ROR2: variants seen among roughly 807,000 people sequenced by gnomAD.
ROR2 encodes the protein ROR family WNT receptor 2.
Under a neutral mutation model 74.9 loss-of-function variants are expected in ROR2, and 33 were observed. That is an observed-to-expected ratio of 0.44 (90% CI 0.33 to 0.59). The LOEUF (loss-of-function observed/expected upper bound fraction) is 0.59, where lower values mean the gene tolerates loss of function less well. Among genes scored for constraint, ROR2 ranks in the 20% least tolerant of loss-of-function variants. The pLI is 0.02. For synonymous variants in ROR2, 586 were observed against 558.7 expected, an observed-to-expected ratio of 1.05 and a Z score of -0.69; for missense variants, 1,216 against 1,313.8, an observed-to-expected ratio of 0.93 and a Z score of 1.15.
chr9:91,944,465 A>C (rs2118080165), intron 1 of ROR2, among the ~76,000 whole-genome samples: 1 of 152,364 alleles, frequency 6.6e-6, no homozygotes, highest in South Asian at 2.1e-4. Context: ...CTTTACATAC[A>C]GAATAAGAGC....
chr9:91,849,507 C>A (rs1829032839), intron 1 of ROR2, among the ~76,000 whole-genome samples: 1 of 152,242 alleles, frequency 6.6e-6, no homozygotes, highest in African/African-American at 2.4e-5. Flanking sequence ...CCACCCTAGG[C>A]CACATGGCCA....
chr9:91,757,346 G>A lies in ROR2; in HGVS notation c.389C>T (p.Thr130Ile), dbSNP rs759454438. 3 of 1,613,920 alleles carry A rather than the reference G, an allele frequency of 1.9e-6. No homozygotes were observed. The highest frequency in any genetic ancestry group is 1.7e-6 in the Non-Finnish European group (2 of 1,180,026). ...GGTGGCCACGCACTGGTAGTAGCCA[G>A]TGTCTGTCGTGTCCAGGTCCTGGAT... ...LRIQDLDTTD[T>I]GYYQCVATNG... Residue 130 changes from threonine to isoleucine, a missense_variant, in exon 3 of 9, where the codon ACT becomes ATT. Thr to Ile is a moderately conservative substitution (Grantham distance 89). Coordinates refer to ENST00000375708, the MANE Select transcript of ROR2 (RefSeq NM_004560.4).
chr9:91,754,968 T>C (rs929293924), intron 4 of ROR2, among the ~76,000 whole-genome samples: 5 of 152,118 alleles, frequency 3.3e-5, no homozygotes, highest in Admixed American at 6.5e-5. Flanking sequence ...CTGGACAGCA[T>C]AGTGAGACCC....
At chr9:91,925,827 A>G (rs949593257) in intron 1 of ROR2, among the ~76,000 whole-genome samples, 12 of 152,176 alleles carry the variant, frequency 7.9e-5, no homozygotes, top group Non-Finnish European at 1.8e-4. Context: ...GGTTCAACAG[A>G]CACCTGGGTA....
At chr9:91,788,715 A>AT (rs1826877209) in intron 1 of ROR2, among the ~76,000 whole-genome samples, 1 of 151,926 alleles carries the variant, frequency 6.6e-6, no homozygotes, top group African/African-American at 2.4e-5. Context: ...AAATACAAAA[A>AT]TTAGTCAAGC....
In ROR2 at chr9:91,749,381, T is replaced by G. The variant is rs547160583; in HGVS notation, c.494+6690A>C. On this transcript the variant is annotated intron_variant, in intron 4 of 8. Transcript: ENST00000375708. The stretch of plus-strand genomic sequence containing the variant: ...GGGGGTTCTCCTCCTGCCTTCCAGA[T>G]GGCACCTGAGATCTCTGTATCTCTT... Among the ~76,000 whole-genome samples, 260 of 152,318 alleles carry G rather than the reference T, an allele frequency of 1.7e-3. 1 individual carries two copies. Among genetic ancestry groups the G allele is most frequent in the African/African-American group, 5.9e-3 (246 of 41,580 alleles).
intron 1 of ROR2, among the ~76,000 whole-genome samples, chr9:91,920,674 C>A (rs1277287801): frequency 6.6e-6 from 1 of 152,086 alleles, no homozygotes; most frequent in Non-Finnish European, 1.5e-5. Context: ...GGGAGCATAT[C>A]GACAAAGCAA....
intron 1 of ROR2, among the ~76,000 whole-genome samples, chr9:91,915,179 T>G (rs1179548115): frequency 6.6e-6 from 1 of 152,106 alleles, no homozygotes; most frequent in Non-Finnish European, 1.5e-5. Flanking sequence ...TGAGGACTCT[T>G]AGGTGCAGCG....
At chr9:91,819,234 C>T (rs1254668510) in intron 1 of ROR2, among the ~76,000 whole-genome samples, 1 of 152,222 alleles carries the variant, frequency 6.6e-6, no homozygotes, top group Non-Finnish European at 1.5e-5. Flanking sequence ...GGGAACACCA[C>T]AGAAGCACCA....
At chr9:91,849,491 T>TAGGGTCA (rs1829032074) in intron 1 of ROR2, among the ~76,000 whole-genome samples, 1 of 152,260 alleles carries the variant, frequency 6.6e-6, no homozygotes, top group South Asian at 2.1e-4. Flanking sequence ...GCTCTGACCC[T>TAGGGTCA]GATTCCCACC....
At chr9:91,796,448 A>C (rs1587726609) in intron 1 of ROR2, among the ~76,000 whole-genome samples, 1 of 151,982 alleles carries the variant, frequency 6.6e-6, no homozygotes, top group Admixed American at 6.5e-5. Context: ...AAAAAAAAAA[A>C]AAAAAAACAT....
At chr9:91,822,969 G>A (rs148329254) in intron 1 of ROR2, among the ~76,000 whole-genome samples, 1 of 152,310 alleles carries the variant, frequency 6.6e-6, no homozygotes, top group Non-Finnish European at 1.5e-5. Flanking sequence ...GGAGGGAACA[G>A]TCACACTAAT....
chr9:91,757,690 T>A, intron 2 of ROR2, 131 bp from the exon 3 acceptor site: 1 of 925,862 alleles, frequency 1.1e-6, no homozygotes, highest in East Asian at 2.6e-5. Context: ...TAGGTTGTTA[T>A]CTGCGGTAAT....
At chr9:91,806,203 T>C (rs1307818504) in intron 1 of ROR2, among the ~76,000 whole-genome samples, 3 of 152,202 alleles carry the variant, frequency 2.0e-5, no homozygotes, top group Admixed American at 6.5e-5. Flanking sequence ...AGGCAGCTTA[T>C]AGGCAACAGA....
At position 91,737,417 on chromosome 9, in the gene ROR2, T is replaced by A; in HGVS notation, c.596A>T (p.Gln199Leu). ...RTIYVDSLQM[Q>L]GEIENRITAA... ...TGTGATTCGGTTTTCAATCTCCCCC[T>A]GCATCTGAAGCGAGTCCACATAAAT... The change falls in exon 5 of 9, where the codon CAG becomes CTG. Residue 199 changes from glutamine (Q) to leucine (L), a missense_variant. Coordinates refer to ENST00000375708, the MANE Select transcript of ROR2 (RefSeq NM_004560.4). 1 of 1,614,148 alleles carries A rather than the reference T, an allele frequency of 6.2e-7. No homozygotes were observed. The highest frequency in any genetic ancestry group is 8.5e-7 in the Non-Finnish European group (1 of 1,180,034).
Position 91,730,810 on chromosome 9 carries a change from C to T in ROR2, c.1183+100G>A, listed in dbSNP as rs1361026172. Reference sequence around the variant, plus strand: ...AAGATCAGGGGTCTCTGGTCGCCACCGTACAGAGGCACACCCCAACCCAGG... The same window carrying T: ...AAGATCAGGGGTCTCTGGTCGCCACTGTACAGAGGCACACCCCAACCCAGG... On this transcript the variant is annotated intron_variant, in intron 7 of 8. Coordinates refer to ENST00000375708, the MANE Select transcript of ROR2 (RefSeq NM_004560.4). The T allele has an allele frequency of 7.2e-6, 11 of 1,519,758 alleles. No individual in the cohort carries two copies. In the East Asian group the frequency reaches 9.1e-5, roughly 13 times the overall value. The allele number at this position is 1,519,758 out of a possible 1,614,324, so 94.1% of individuals were successfully genotyped here. A position where few individuals can be genotyped will look rare whatever the true frequency, so the allele number is the denominator to read the frequency against.
At chr9:91,836,555 C>A (rs1468730708) in intron 1 of ROR2, among the ~76,000 whole-genome samples, 58 of 135,058 alleles carry the variant, frequency 4.3e-4, no homozygotes, top group Non-Finnish European at 5.3e-4. Context: ...AAAAAAAAAA[C>A]AGTCTGCAGC....
At position 91,723,309 on chromosome 9, in the gene ROR2, C is replaced by A; in HGVS notation, c.*353G>T. ...TATTCCCAACGTTTTGAAATATTCA[C>A]TCCATATATGACATGGAGTGAAGCT... On this transcript the variant is annotated 3_prime_UTR_variant, in exon 9 of 9. Transcript: ENST00000375708. The A allele has an allele frequency of 3.9e-6, 1 of 255,778 alleles. No individual in the cohort carries two copies. The highest frequency in any genetic ancestry group is 8.7e-5 in the East Asian group (1 of 11,554). The allele number at this position is 255,778 out of a possible 1,614,324, so 15.8% of individuals were successfully genotyped here. A position where few individuals can be genotyped will look rare whatever the true frequency, so the allele number is the denominator to read the frequency against.
intron 1 of ROR2, among the ~76,000 whole-genome samples, chr9:91,835,066 G>A (rs1828571135): frequency 6.6e-6 from 1 of 151,514 alleles, no homozygotes; most frequent in Admixed American, 6.6e-5. Context: ...ACATGGTGAT[G>A]GAGCTGAAGA....
Sources: gnomAD v4.1 joint callset for allele counts (sites outside exome capture counted in the v4.1 genomes callset) on GRCh38, gnomAD v4.1.1 for gene constraint, MANE v1.5 for transcripts, NCBI Gene and HGNC (gene_info 2026-07-23, HGNC 2026-07-21) for gene names.